TENM3: variants seen among roughly 807,000 people sequenced by gnomAD.
The protein encoded by TENM3 is teneurin transmembrane protein 3.
In TENM3, 63 loss-of-function variants were observed where a neutral mutation model predicts 255.1. The observed-to-expected ratio is 0.25, with a 90% CI of 0.20 to 0.30. The LOEUF is 0.30. Ranked by LOEUF, TENM3 falls within the 10% of genes least tolerant of loss-of-function variation. TENM3 has a pLI of 1.00. For synonymous variants in TENM3, 1,306 were observed against 1,322.3 expected (o/e 0.99, Z 0.27); for missense variants, 2,929 against 3,461.1 (o/e 0.85, Z 3.86).
At chr4:181,990,565 G>C in the TENM3 span, among the ~76,000 whole-genome samples, 1 of 152,082 alleles carries the variant, frequency 6.6e-6, no homozygotes, top group Non-Finnish European at 1.5e-5. Context: ...AATTCTATGG[G>C]AGTGATATGG....
chr4:181,660,919 T>G, the TENM3 span, among the ~76,000 whole-genome samples: 1 of 152,166 alleles, frequency 6.6e-6, no homozygotes, highest in East Asian at 1.9e-4. Context: ...TTTATCTTAC[T>G]TTGTGTTAAA....
chr4:181,961,627 G>A, the TENM3 span, among the ~76,000 whole-genome samples: 1 of 152,092 alleles, frequency 6.6e-6, no homozygotes, highest in Admixed American at 6.6e-5. Context: ...CACCGTGTTA[G>A]CCAAGATGGT....
intron 3 of TENM3, among the ~76,000 whole-genome samples, chr4:182,488,638 G>C (rs766524493): frequency 5.9e-4 from 90 of 152,066 alleles, no homozygotes; most frequent in Admixed American, 1.3e-3. Flanking sequence ...ATAAGAAGCT[G>C]GTAGTTAATG....
intron 3 of TENM3, among the ~76,000 whole-genome samples, chr4:182,380,007 C>T (rs1416654761): frequency 6.6e-5 from 10 of 152,030 alleles, no homozygotes; most frequent in Non-Finnish European, 1.0e-4. Context: ...AGTGGCTCAC[C>T]CCTGTAATCC....
At chr4:182,411,130 G>A (rs903729398) in intron 3 of TENM3, among the ~76,000 whole-genome samples, 2 of 152,154 alleles carry the variant, frequency 1.3e-5, no homozygotes, top group African/African-American at 2.4e-5. Context: ...CACTCCAGTG[G>A]TCAAGAGCCA....
chr4:181,663,481 T>C, the TENM3 span, among the ~76,000 whole-genome samples: 3 of 152,200 alleles, frequency 2.0e-5, no homozygotes, highest in Non-Finnish European at 2.9e-5. Context: ...ATGCTCATTC[T>C]CATCAATGAC....
the TENM3 span, among the ~76,000 whole-genome samples, chr4:181,521,723 C>T: frequency 1.3e-5 from 2 of 152,096 alleles, no homozygotes; most frequent in South Asian, 4.2e-4. Context: ...TGCAATTCTC[C>T]TCCCTTCTTC....
At chr4:182,183,872 C>T (rs993367204) in intron 1 of TENM3, among the ~76,000 whole-genome samples, 13 of 152,150 alleles carry the variant, frequency 8.5e-5, no homozygotes, top group African/African-American at 2.7e-4. Context: ...AAATAGCAAA[C>T]ATATGAGTAT....
chr4:182,696,592 G>T (rs1050003884), intron 12 of TENM3, among the ~76,000 whole-genome samples: 1 of 152,024 alleles, frequency 6.6e-6, no homozygotes, highest in Admixed American at 6.6e-5. Flanking sequence ...GGATGTGGTG[G>T]TGCACGCCTG....
At chr4:181,988,114 C>A in the TENM3 span, among the ~76,000 whole-genome samples, 1 of 152,090 alleles carries the variant, frequency 6.6e-6, no homozygotes, top group African/African-American at 2.4e-5. Context: ...CGTCCTCATG[C>A]CCCTGATGTC....
the TENM3 span, among the ~76,000 whole-genome samples, chr4:181,767,246 C>G: frequency 8.8e-6 from 1 of 113,642 alleles, no homozygotes; most frequent in East Asian, 2.3e-4. Flanking sequence ...TGCGAGACTC[C>G]GTCTCAAAAA....
At chr4:181,519,834 G>A in the TENM3 span, among the ~76,000 whole-genome samples, 1 of 152,090 alleles carries the variant, frequency 6.6e-6, no homozygotes, top group Non-Finnish European at 1.5e-5. Flanking sequence ...CTGAAAAATA[G>A]AAATACCACA....
At position 182,342,605 on chromosome 4, in the gene TENM3, A is replaced by G. The variant is rs577937429; in HGVS notation, c.233-4046A>G. On this transcript the variant is annotated intron_variant, in intron 2 of 27. Coordinates refer to ENST00000511685, the MANE Select transcript of TENM3 (RefSeq NM_001080477.4). The stretch of plus-strand genomic sequence containing the variant: ...GAAAACCATTAAAGTGTACACTTCA[A>G]GTGGGTGCATTTTGTGGTATGTGAG... 1.0e-3 allele frequency among the ~76,000 whole-genome samples: 156 copies of G among 152,310 alleles called. 1 individual carries two copies. Among genetic ancestry groups the G allele is most frequent in the Non-Finnish European group, 2.0e-3 (135 of 68,024 alleles).
the TENM3 span, among the ~76,000 whole-genome samples, chr4:181,467,327 G>C: frequency 6.7e-6 from 1 of 149,826 alleles, no homozygotes. Flanking sequence ...TAGAGACGGG[G>C]TTTCGCCATG....
At chr4:182,514,630 TTCTG>T (rs1261357439) in intron 3 of TENM3, among the ~76,000 whole-genome samples, 3 of 152,286 alleles carry the variant, frequency 2.0e-5, no homozygotes. Context: ...GTCTGATAGT[TTCTG>T]TCTGTGCCAT....
At chr4:181,531,799 G>C in the TENM3 span, among the ~76,000 whole-genome samples, 1 of 152,220 alleles carries the variant, frequency 6.6e-6, no homozygotes, top group Non-Finnish European at 1.5e-5. Flanking sequence ...TGTGCAGAAG[G>C]CTTCCCTGAG....
At chr4:181,818,194 C>T in the TENM3 span, among the ~76,000 whole-genome samples, 1 of 152,160 alleles carries the variant, frequency 6.6e-6, no homozygotes, top group Non-Finnish European at 1.5e-5. Flanking sequence ...GTATAGTCCC[C>T]AGTTATTCAC....
the TENM3 span, among the ~76,000 whole-genome samples, chr4:181,481,187 A>G: frequency 2.7e-3 from 409 of 152,134 alleles, 3 homozygotes; most frequent in South Asian, 0.031. Context: ...CTTTTGCTCA[A>G]ATATCAGAAG....
chr4:181,592,334 CTTTT>C, the TENM3 span, among the ~76,000 whole-genome samples: 204 of 137,272 alleles, frequency 1.5e-3, no homozygotes, highest in Middle Eastern at 0.011. Context: ...CCATATGGCT[CTTTT>C]TTTTTTTTTT....
Sources: allele counts gnomAD v4.1 joint callset (sites outside exome capture counted in the v4.1 genomes callset), GRCh38; gene constraint gnomAD v4.1.1; transcripts MANE v1.5; gene names NCBI Gene and HGNC (gene_info 2026-07-23, HGNC 2026-07-21).